The following VWA8 variants were observed in gnomAD, a reference collection of about 807,000 sequenced individuals.
VWA8 encodes von Willebrand factor A domain containing 8.
VWA8 carries 221 observed loss-of-function variants against 241.5 expected under a neutral mutation model. That is an observed-to-expected ratio of 0.91 (90% CI 0.82 to 1.02). The LOEUF (loss-of-function observed/expected upper bound fraction) is 1.02, where lower values mean the gene tolerates loss of function less well. Among genes scored for constraint, VWA8 ranks in the 50% least tolerant of loss-of-function variants. The probability of loss-of-function intolerance (pLI) is 0.00; values close to 1 mark genes in which losing one functional copy is unlikely to be tolerated. For missense variants in VWA8, 2,322 were observed against 2,328.7 expected (o/e 1.00, Z 0.06); for synonymous variants, 852 against 827.1 (o/e 1.03, Z -0.52).
chr13:41,889,899 G>A (rs556373039), intron 5 of VWA8, among the ~76,000 whole-genome samples: 139 of 152,206 alleles, frequency 9.1e-4, no homozygotes, highest in Non-Finnish European at 1.4e-3. Flanking sequence ...TAGTTATTTT[G>A]TAATTAGAAA....
intron 12 of VWA8, among the ~76,000 whole-genome samples, chr13:41,857,088 T>A (rs1176046424): frequency 1.3e-5 from 2 of 152,148 alleles, no homozygotes; most frequent in Admixed American, 6.5e-5. Context: ...GGCTTTCAAT[T>A]CTCTTTTGAA....
At chr13:41,935,415 T>C (rs1182609313) in intron 2 of VWA8, among the ~76,000 whole-genome samples, 20 of 152,092 alleles carry the variant, frequency 1.3e-4, no homozygotes, top group Admixed American at 1.2e-3. Context: ...TCCTATAAAA[T>C]GAGTCCAAAT....
At chr13:41,807,445 A>T (rs1308431475) in intron 17 of VWA8, among the ~76,000 whole-genome samples, 2 of 152,214 alleles carry the variant, frequency 1.3e-5, no homozygotes, top group Non-Finnish European at 2.9e-5. Context: ...TCCTCAATAA[A>T]ATAGTAGCAA....
intron 12 of VWA8, among the ~76,000 whole-genome samples, chr13:41,845,312 C>G (rs1416569903): frequency 6.6e-6 from 1 of 151,918 alleles, no homozygotes; most frequent in East Asian, 1.9e-4. Context: ...ATGAAAAAGT[C>G]AAAAAATAAC....
chr13:41,894,223 C>T (rs1480901964), intron 4 of VWA8, among the ~76,000 whole-genome samples: 1 of 152,198 alleles, frequency 6.6e-6, no homozygotes, highest in Non-Finnish European at 1.5e-5. Context: ...ACTGCAGCTC[C>T]ACTTTCATTC....
At chr13:41,592,751 G>A (rs1455271308) in intron 40 of VWA8, among the ~76,000 whole-genome samples, 2 of 146,430 alleles carry the variant, frequency 1.4e-5, no homozygotes, top group Non-Finnish European at 3.0e-5. Context: ...AAAAGATTAT[G>A]TGTTCCAGCA....
chr13:41,844,123 A>G (rs1258343472), intron 12 of VWA8, among the ~76,000 whole-genome samples: 1 of 152,204 alleles, frequency 6.6e-6, no homozygotes, highest in Non-Finnish European at 1.5e-5. Context: ...AGTAGCAAAT[A>G]AAAGTTAATT....
chr13:41,612,420 T>C (rs1010349326), intron 38 of VWA8, among the ~76,000 whole-genome samples: 1 of 152,220 alleles, frequency 6.6e-6, no homozygotes, highest in Non-Finnish European at 1.5e-5. Flanking sequence ...ACATAATACA[T>C]ATTACATATA....
At chr13:41,799,279 G>A (rs1869841776) in intron 17 of VWA8, among the ~76,000 whole-genome samples, 1 of 152,118 alleles carries the variant, frequency 6.6e-6, no homozygotes, top group South Asian at 2.1e-4. Context: ...GCCACAGATT[G>A]GTTTTCAAGG....
intron 42 of VWA8, among the ~76,000 whole-genome samples, chr13:41,577,300 A>G (rs532184969): frequency 1.3e-5 from 2 of 152,350 alleles, no homozygotes; most frequent in East Asian, 3.9e-4. Context: ...AAGGAAATTT[A>G]TCAATGCATT....
At chr13:41,573,756 T>C (rs758119055) in intron 43 of VWA8, among the ~76,000 whole-genome samples, 1 of 151,594 alleles carries the variant, frequency 6.6e-6, no homozygotes, top group African/African-American at 2.4e-5. Context: ...TGGCTGGGAT[T>C]GCGGGTGCCC....
chr13:41,796,942 T>A (rs1869731058), intron 17 of VWA8, among the ~76,000 whole-genome samples: 1 of 152,224 alleles, frequency 6.6e-6, no homozygotes, highest in African/African-American at 2.4e-5. Flanking sequence ...GTGTATTTTT[T>A]GTTATTGCTA....
intron 18 of VWA8, among the ~76,000 whole-genome samples, chr13:41,785,595 A>G (rs771670448): frequency 2.6e-5 from 4 of 152,174 alleles, no homozygotes; most frequent in Non-Finnish European, 5.9e-5. Context: ...TGAGCTAAAA[A>G]TAATTGTCAT....
intron 14 of VWA8, among the ~76,000 whole-genome samples, chr13:41,825,830 C>T (rs1485870758): frequency 6.6e-6 from 1 of 152,184 alleles, no homozygotes; most frequent in East Asian, 1.9e-4. Flanking sequence ...TCAAATGCTA[C>T]TGCCAAAAGT....
At chr13:41,697,293 T>A (rs919921701) in intron 29 of VWA8, among the ~76,000 whole-genome samples, 2 of 152,226 alleles carry the variant, frequency 1.3e-5, no homozygotes, top group Non-Finnish European at 2.9e-5. Flanking sequence ...CTAGTTTCCC[T>A]CATTGTGCCT....
At chr13:41,586,620 C>G (rs2044420016) in intron 42 of VWA8, among the ~76,000 whole-genome samples, 1 of 152,154 alleles carries the variant, frequency 6.6e-6, no homozygotes, top group Non-Finnish European at 1.5e-5. Context: ...TTTCATCAAT[C>G]TGTTTCTTGT....
At chr13:41,843,612 A>G (rs1872155701) in intron 12 of VWA8, among the ~76,000 whole-genome samples, 2 of 152,216 alleles carry the variant, frequency 1.3e-5, no homozygotes, top group East Asian at 1.9e-4. Flanking sequence ...TAATAAAAAA[A>G]GGGAGAAGAT....
chr13:41,926,108 T>C, intron 2 of VWA8: 2 of 537,608 alleles, frequency 3.7e-6, no homozygotes, highest in Non-Finnish European at 6.9e-6. Context: ...TTATTCATAT[T>C]AGTAAGAAAC....
rs536784630 is a variant in VWA8, at chr13:41,805,301, A to G, written c.2063+5924T>C. On this transcript the variant is annotated intron_variant, in intron 17 of 44. Coordinates refer to ENST00000379310, the MANE Select transcript of VWA8 (RefSeq NM_015058.2). ...ATCAGACAAAATAGACTTCAAGACA[A>G]AAACTATAAGAAGAGACTAAGAAGA... Among the ~76,000 whole-genome samples, 117 of 152,334 alleles carry G rather than the reference A, an allele frequency of 7.7e-4. 1 individual carries two copies. The highest frequency in any genetic ancestry group is 2.8e-3 in the African/African-American group (115 of 41,590).
Sources: gnomAD v4.1 joint callset for allele counts (sites outside exome capture counted in the v4.1 genomes callset) on GRCh38, gnomAD v4.1.1 for gene constraint, MANE v1.5 for transcripts, NCBI Gene and HGNC (gene_info 2026-07-23, HGNC 2026-07-21) for gene names.